The following NINL variants were observed in gnomAD, a reference collection of about 807,000 sequenced individuals.
The protein encoded by NINL is ninein like.
NINL carries 153 observed loss-of-function variants against 160.3 expected under a neutral mutation model. That is an observed-to-expected ratio of 0.95 (90% CI 0.84 to 1.09). The LOEUF (loss-of-function observed/expected upper bound fraction) is 1.09. NINL is among the 50% of genes least tolerant of loss of function. The probability of loss-of-function intolerance (pLI) is 0.00; values close to 1 mark genes in which losing one functional copy is unlikely to be tolerated. For synonymous variants in NINL, 800 were observed against 734.8 expected (o/e 1.09, Z -1.43); for missense variants, 1,829 against 1,764.0 (o/e 1.04, Z -0.66).
intron 20 of NINL, among the ~76,000 whole-genome samples, 187 bp from the exon 21 acceptor site, chr20:25,461,822 A>G (rs552074533): frequency 6.6e-6 from 1 of 152,272 alleles, no homozygotes; most frequent in African/African-American, 2.4e-5. Flanking sequence ...ACACACACGC[A>G]TCTCCCTGGT....
intron 9 of NINL, 102 bp downstream of exon 9, chr20:25,498,108 G>C: frequency 7.2e-7 from 1 of 1,383,630 alleles, no homozygotes; most frequent in African/African-American, 1.4e-5. Context: ...GGCCATGTGG[G>C]GTGGATAAGA....
At chr20:25,462,078 C>T (rs574381765) in intron 20 of NINL, among the ~76,000 whole-genome samples, 1 of 152,220 alleles carries the variant, frequency 6.6e-6, no homozygotes, top group Non-Finnish European at 1.5e-5. Context: ...ACATCCCCAT[C>T]GGAATCGTGA....
At chr20:25,579,881 C>T (rs1056180947) in intron 1 of NINL, among the ~76,000 whole-genome samples, 7 of 152,210 alleles carry the variant, frequency 4.6e-5, no homozygotes, top group Non-Finnish European at 8.8e-5. Flanking sequence ...AATATCCTAA[C>T]TGATATACTC....
intron 12 of NINL, 86 bp from the exon 13 acceptor site, chr20:25,489,410 G>T: frequency 8.2e-7 from 1 of 1,212,852 alleles, no homozygotes; most frequent in Non-Finnish European, 1.2e-6. Flanking sequence ...CCAAGAACCT[G>T]CCCAGCTTCT....
rs77295497 is a variant in NINL at position 25,480,539 on chromosome 20, G to A, written c.1811-272C>T. Among the ~76,000 whole-genome samples, 987 of 152,264 alleles carry A rather than the reference G, an allele frequency of 6.5e-3. 10 individuals are homozygous for A. Among genetic ancestry groups the A allele is most frequent in the African/African-American group, 0.02 (824 of 41,546 alleles). On this transcript the variant is annotated intron_variant, in intron 14 of 23. Transcript: ENST00000278886. Reference sequence around the variant, plus strand: ...TATGCTGTGCTATGGTACATTTACTGCACCCTAAATCCTGTTCCCTGAAGA... The same window carrying A: ...TATGCTGTGCTATGGTACATTTACTACACCCTAAATCCTGTTCCCTGAAGA...
chr20:25,499,297 G>T (rs964734595), intron 8 of NINL: 1 of 926,430 alleles, frequency 1.1e-6, no homozygotes, highest in Non-Finnish European at 1.3e-6. Context: ...ACAGCAGCCT[G>T]AGGTCAGAAA....
At chr20:25,519,989 CAAAAAAAAAA>C (rs59160061) in intron 2 of NINL, among the ~76,000 whole-genome samples, 154 of 12,110 alleles carry the variant, frequency 0.013, no homozygotes, top group Middle Eastern at 0.083. Context: ...GACCCCGTCT[CAAAAAAAAAA>C]AAAAAAAAAA....
intron 1 of NINL, among the ~76,000 whole-genome samples, chr20:25,540,891 C>T (rs1245817795): frequency 1.3e-5 from 2 of 151,504 alleles, no homozygotes; most frequent in Admixed American, 1.3e-4. Context: ...ATTTTGCAGG[C>T]ACAGACCCAA....
In NINL at chr20:25,524,923, A is replaced by ATG. The variant is rs1261075722; in HGVS notation, c.180+1483_180+1484dup. ...AATTAAAATATATATATATATATAT[A>ATG]TGTGTGTGTATATATATATATATAA... On this transcript the variant is annotated intron_variant, in intron 2 of 23. Coordinates refer to ENST00000278886, the MANE Select transcript of NINL (RefSeq NM_025176.6). Among the ~76,000 whole-genome samples, 87 of 133,490 alleles carry ATG rather than the reference A, an allele frequency of 6.5e-4. No homozygotes were observed. The Middle Eastern group carries it at 0.012, about 18-fold the overall frequency. 87.6% of individuals were successfully genotyped at this position (133,490 alleles called of 152,430 possible).
intron 21 of NINL, among the ~76,000 whole-genome samples, chr20:25,459,154 A>C (rs1413210910): frequency 6.6e-6 from 1 of 152,208 alleles, no homozygotes; most frequent in African/African-American, 2.4e-5. Flanking sequence ...GCACCCTATA[A>C]GAACTGGCCA....
rs918593886 is a variant in NINL, at chr20:25,452,971, G to A, written c.*480C>T. On this transcript the variant is annotated 3_prime_UTR_variant, in exon 24 of 24. Coordinates refer to ENST00000278886, the MANE Select transcript of NINL (RefSeq NM_025176.6). The stretch of plus-strand genomic sequence containing the variant: ...TTCTCGCTGGGTTGACGTTCCCAGC[G>A]AGTGAAGCCTTTTCTGGAATGTGTG... The A allele has an allele frequency of 5.2e-5, 8 of 152,684 alleles. No homozygotes were observed. Among genetic ancestry groups the A allele is most frequent in the African/African-American group, 1.9e-4 (8 of 41,408 alleles). 9.5% of individuals were successfully genotyped at this position (152,684 alleles called of 1,614,324 possible).
intron 1 of NINL, among the ~76,000 whole-genome samples, chr20:25,565,429 G>A (rs2064988995): frequency 6.6e-6 from 1 of 152,002 alleles, no homozygotes; most frequent in Non-Finnish European, 1.5e-5. Flanking sequence ...AGGCAGGGAG[G>A]GAGGGAGGAA....
At chr20:25,498,387 C>T (rs1372751849) in intron 8 of NINL, 41 bp from the exon 9 acceptor site, 1 of 1,606,336 alleles carries the variant, frequency 6.2e-7, no homozygotes, top group African/African-American at 1.3e-5. Context: ...GGCTGAGGGA[C>T]TTCCCCAAGC....
Position 25,539,854 on chromosome 20 carries a change from C to T in NINL, c.-11-13256G>A, listed in dbSNP as rs530057907. Among the ~76,000 whole-genome samples the T allele has an allele frequency of 3.9e-5, 6 of 152,356 alleles. No homozygotes were observed. The South Asian group carries it at 8.3e-4, about 21-fold the overall frequency. On this transcript the variant is annotated intron_variant, in intron 1 of 23. Transcript: ENST00000278886. ...TCTCTATCATCCTTCCACAGACCCA[C>T]GGGGCGGAGGAAAGAAACGGAGCTT...
In NINL at chr20:25,512,992, T is replaced by A. The variant is rs776294466; in HGVS notation, c.292A>T (p.Ile98Phe). 3 of 1,601,372 alleles carry A rather than the reference T, an allele frequency of 1.9e-6. No homozygotes were observed. Among genetic ancestry groups the A allele is most frequent in the East Asian group, 4.5e-5 (2 of 44,560 alleles). Residue 98 changes from isoleucine to phenylalanine, a missense_variant, in exon 4 of 24, where the codon ATC (isoleucine) becomes TTC (phenylalanine). Coordinates refer to ENST00000278886, the MANE Select transcript of NINL (RefSeq NM_025176.6). ...GAACCATTCACATACTTTGGAGGGATGGCACTGGAGGCAGCTGGAAAGGAA... is the reference window on the plus strand; with the variant it reads ...GAACCATTCACATACTTTGGAGGGAAGGCACTGGAGGCAGCTGGAAAGGAA... ...SSLESAASSA[I>F]PPKYVNGSKW...
At chr20:25,477,655 A>G (rs1175419879) in intron 16 of NINL, among the ~76,000 whole-genome samples, 1 of 152,160 alleles carries the variant, frequency 6.6e-6, no homozygotes, top group Admixed American at 6.5e-5. Flanking sequence ...GGAGCAAGGA[A>G]GTGGTTGGAG....
intron 1 of NINL, among the ~76,000 whole-genome samples, chr20:25,552,160 C>G (rs1423242346): frequency 6.6e-6 from 1 of 152,122 alleles, no homozygotes; most frequent in East Asian, 1.9e-4. Context: ...TGGGGAGGTA[C>G]CAAAATTTCA....
chr20:25,483,856 T>G (rs1176238942), intron 13 of NINL, among the ~76,000 whole-genome samples: 4 of 152,262 alleles, frequency 2.6e-5, no homozygotes, highest in Non-Finnish European at 5.9e-5. Flanking sequence ...AGGCTGTGCA[T>G]GCTTCCCCAT....
intron 2 of NINL, among the ~76,000 whole-genome samples, chr20:25,518,840 G>A (rs1372057448): frequency 6.6e-6 from 1 of 151,294 alleles, no homozygotes; most frequent in Non-Finnish European, 1.5e-5. Flanking sequence ...GCTCATGCCT[G>A]TAATCCCAGC....
Sources: allele counts gnomAD v4.1 joint callset (sites outside exome capture counted in the v4.1 genomes callset), GRCh38; gene constraint gnomAD v4.1.1; transcripts MANE v1.5; gene names NCBI Gene and HGNC (gene_info 2026-07-23, HGNC 2026-07-21).